Variants in FRS2 observed in about 807,000 individuals in gnomAD.
The protein encoded by FRS2 is FGFR signalling adaptor.
Under a neutral mutation model 43.9 loss-of-function variants are expected in FRS2, and 8 were observed. That is an observed-to-expected ratio of 0.18 (90% CI 0.11 to 0.33). The LOEUF is 0.33. FRS2 is among the 10% of genes least tolerant of loss of function. FRS2 has a pLI of 1.00. For missense variants in FRS2, 534 were observed against 627.6 expected (o/e 0.85, Z 1.59); for synonymous variants, 219 against 220.3 (o/e 0.99, Z 0.05).
intron 1 of FRS2, among the ~76,000 whole-genome samples, chr12:69,476,753 C>CGGGGGGGGGGTGGGGGGGGGGGGGGGGG (rs60543134): frequency 1.2e-5 from 1 of 80,110 alleles, no homozygotes. Context: ...GGGGGAGGGA[C>CGGGGGGGGGGTGGGGGGGGGGGGGGGGG]GGGGGGGGGT....
intron 1 of FRS2, among the ~76,000 whole-genome samples, chr12:69,476,019 A>G (rs1306769876): frequency 6.6e-6 from 1 of 152,144 alleles, no homozygotes; most frequent in Admixed American, 6.5e-5. Flanking sequence ...TGGCAGCCCT[A>G]TGCTGGTCAC....
chr12:69,514,314 C>T (rs1169003001), intron 1 of FRS2, among the ~76,000 whole-genome samples: 1 of 152,180 alleles, frequency 6.6e-6, no homozygotes, highest in African/African-American at 2.4e-5. Flanking sequence ...ATGCCACAAC[C>T]TGTCCCAGCA....
chr12:69,571,235 A>G (rs1404745643), intron 6 of FRS2, 41 bp from the exon 7 acceptor site: 6 of 1,381,220 alleles, frequency 4.3e-6, no homozygotes, highest in Non-Finnish European at 5.0e-6. Flanking sequence ...TTTTTTTTAA[A>G]GGTATGTTAA....
intron 1 of FRS2, among the ~76,000 whole-genome samples, chr12:69,486,840 C>A (rs907053144): frequency 1.3e-5 from 2 of 152,234 alleles, no homozygotes; most frequent in South Asian, 4.1e-4. Context: ...CAGAGCAAGA[C>A]CCTAATTCTG....
At chr12:69,493,084 G>A (rs1294664941) in intron 1 of FRS2, among the ~76,000 whole-genome samples, 1 of 152,184 alleles carries the variant, frequency 6.6e-6, no homozygotes, top group Non-Finnish European at 1.5e-5. Flanking sequence ...TTTAGAAAGA[G>A]ATCTTAAAAC....
intron 1 of FRS2, among the ~76,000 whole-genome samples, chr12:69,505,300 T>A (rs781636663): frequency 6.6e-6 from 1 of 152,264 alleles, no homozygotes; most frequent in Admixed American, 6.5e-5. Context: ...GGAATATAGT[T>A]CTGTGGAACA....
intron 4 of FRS2, among the ~76,000 whole-genome samples, chr12:69,564,134 G>A (rs1345880749): frequency 6.6e-6 from 1 of 151,826 alleles, no homozygotes. Flanking sequence ...CATCCTCTAG[G>A]GGTTACCTCT....
rs1285208117 is a variant in FRS2, at chr12:69,577,351, G to C, written c.*2396G>C. The C allele has an allele frequency of 1.3e-5, 2 of 151,996 alleles. No homozygotes were observed. The highest frequency in any genetic ancestry group is 6.6e-5 in the Admixed American group (1 of 15,262). The allele number at this position is 151,996 out of a possible 1,614,324, so 9.4% of individuals were successfully genotyped here. A position where few individuals can be genotyped will look rare whatever the true frequency, so the allele number is the denominator to read the frequency against. ...TCACTTGTGTTCCTATTTAATAAAAGGTAATTTAGAATACTACTTGTCCTT... is the reference window on the plus strand; with the variant it reads ...TCACTTGTGTTCCTATTTAATAAAACGTAATTTAGAATACTACTTGTCCTT... On this transcript the variant is annotated 3_prime_UTR_variant, in exon 9 of 9. Transcript: ENST00000549921.
chr12:69,492,755 T>G (rs1181853730), intron 1 of FRS2, among the ~76,000 whole-genome samples: 1 of 152,202 alleles, frequency 6.6e-6, no homozygotes, highest in African/African-American at 2.4e-5. Context: ...CTGTCTGTTA[T>G]AGTCCACTTA....
intron 3 of FRS2, among the ~76,000 whole-genome samples, chr12:69,556,908 G>C (rs917962321): frequency 6.6e-6 from 1 of 152,102 alleles, no homozygotes; most frequent in African/African-American, 2.4e-5. Flanking sequence ...TCGTACTGTG[G>C]TTTTACCTCC....
At chr12:69,529,209 T>C (rs899294745) in intron 1 of FRS2, among the ~76,000 whole-genome samples, 5 of 152,204 alleles carry the variant, frequency 3.3e-5, no homozygotes, top group African/African-American at 7.2e-5. Flanking sequence ...ATTATACTAA[T>C]GTGTATGCAA....
intron 1 of FRS2, among the ~76,000 whole-genome samples, chr12:69,480,001 A>G (rs1592909736): frequency 6.6e-6 from 1 of 152,034 alleles, no homozygotes; most frequent in Non-Finnish European, 1.5e-5. Flanking sequence ...TGTGTATTGT[A>G]TTGTGTTCTG....
intron 1 of FRS2, among the ~76,000 whole-genome samples, chr12:69,524,133 G>A (rs982636649): frequency 4.6e-5 from 7 of 152,160 alleles, no homozygotes; most frequent in Non-Finnish European, 1.0e-4. Flanking sequence ...GCAGTCTGCT[G>A]TTCTCCATGC....
At chr12:69,535,675 T>C (rs1198980131) in intron 3 of FRS2, among the ~76,000 whole-genome samples, 4 of 152,216 alleles carry the variant, frequency 2.6e-5, no homozygotes, top group African/African-American at 4.8e-5. Context: ...TACAGTGTTA[T>C]ATTTATGTCT....
intron 3 of FRS2, among the ~76,000 whole-genome samples, chr12:69,533,118 A>G (rs1201761899): frequency 2.0e-5 from 3 of 152,224 alleles, no homozygotes; most frequent in Non-Finnish European, 4.4e-5. Context: ...TGTATATAAA[A>G]GGTATAACAA....
intron 1 of FRS2, among the ~76,000 whole-genome samples, chr12:69,517,956 C>G (rs929716650): frequency 6.6e-6 from 1 of 151,926 alleles, no homozygotes; most frequent in Non-Finnish European, 1.5e-5. Context: ...TCCTCTTCTT[C>G]TTAGCATTTT....
At chr12:69,560,048 A>G (rs114717006) in intron 3 of FRS2, among the ~76,000 whole-genome samples, 2,746 of 152,308 alleles carry the variant, frequency 0.018, 84 homozygotes, top group African/African-American at 0.061. Flanking sequence ...ACTTGTGAAT[A>G]GAGTTCAGTG....
chr12:69,480,335 A>G (rs891198503), intron 1 of FRS2: 1 of 152,182 alleles, frequency 6.6e-6, no homozygotes, highest in Admixed American at 6.5e-5. Flanking sequence ...TGCCTCTACA[A>G]ATTTGACTAT....
intron 1 of FRS2, among the ~76,000 whole-genome samples, chr12:69,515,792 A>G (rs1201104814): frequency 6.7e-6 from 1 of 149,454 alleles, no homozygotes; most frequent in Non-Finnish European, 1.5e-5. Context: ...TTTAAGTTTG[A>G]ATCTGTGCTT....
Sources: allele counts gnomAD v4.1 joint callset (sites outside exome capture counted in the v4.1 genomes callset), GRCh38; gene constraint gnomAD v4.1.1; transcripts MANE v1.5; gene names NCBI Gene and HGNC (gene_info 2026-07-23, HGNC 2026-07-21).